The following ERCC6L2 variants were observed in gnomAD, a reference collection of about 807,000 sequenced individuals.
ERCC6L2 encodes the protein DNA excision repair protein ERCC-6-like 2.
ERCC6L2 carries 77 observed loss-of-function variants against 132.0 expected under a neutral mutation model. The observed-to-expected ratio is 0.58, with a 90% confidence interval of 0.49 to 0.71. The LOEUF (loss-of-function observed/expected upper bound fraction) is 0.71, where lower values mean the gene tolerates loss of function less well. Among genes scored for constraint, ERCC6L2 ranks in the 30% least tolerant of loss-of-function variants. The pLI, the probability that ERCC6L2 is intolerant of heterozygous loss-of-function variation, is 0.00. For missense variants in ERCC6L2, 1,542 were observed against 1,837.6 expected, an observed-to-expected ratio of 0.84 and a Z score of 2.94; for synonymous variants, 583 against 632.4, an observed-to-expected ratio of 0.92 and a Z score of 1.17.
At chr9:95,904,556 G>A (rs909667808) in intron 3 of ERCC6L2, among the ~76,000 whole-genome samples, 3 of 152,144 alleles carry the variant, frequency 2.0e-5, no homozygotes, top group Non-Finnish European at 4.4e-5. Flanking sequence ...ATGACCTTGA[G>A]TGTGTTGCTT....
At chr9:95,932,195 AG>A (rs1463089180) in intron 11 of ERCC6L2, among the ~76,000 whole-genome samples, 1 of 151,862 alleles carries the variant, frequency 6.6e-6, no homozygotes, top group Non-Finnish European at 1.5e-5. Flanking sequence ...CCTCCCGAGC[AG>A]CTGGGACTAC....
intron 12 of ERCC6L2, among the ~76,000 whole-genome samples, chr9:95,945,364 T>C (rs937033014): frequency 1.3e-5 from 2 of 152,344 alleles, no homozygotes; most frequent in South Asian, 4.1e-4. Context: ...CCTGTTCTTT[T>C]TTCAAGGTGC....
downstream of ERCC6L2, among the ~76,000 whole-genome samples, chr9:96,018,607 T>A (rs2133244002): frequency 6.7e-6 from 1 of 149,768 alleles, no homozygotes; most frequent in East Asian, 2.0e-4. Flanking sequence ...ACCACAGATG[T>A]GCACCACCCT....
At chr9:95,881,817 C>A (rs942462132) in intron 2 of ERCC6L2, among the ~76,000 whole-genome samples, 5 of 152,174 alleles carry the variant, frequency 3.3e-5, no homozygotes, top group South Asian at 2.1e-4. Context: ...TACATACTTT[C>A]CTAAAGAGGG....
In ERCC6L2 at chr9:96,015,610, G is replaced by A. The variant is rs1303815216; in HGVS notation, c.*2407G>A. Among the ~76,000 whole-genome samples the A allele has an allele frequency of 4.6e-5, 7 of 150,634 alleles. No individual in the cohort carries two copies. The highest frequency in any genetic ancestry group is 6.6e-5 in the Admixed American group (1 of 15,136). ...TGAGATCGAGACTATCCTGGCTAACGCGGTGAAACCCCGTCTCTACTAAAA... is the reference window on the plus strand; with the variant it reads ...TGAGATCGAGACTATCCTGGCTAACACGGTGAAACCCCGTCTCTACTAAAA... On this transcript the variant is annotated 3_prime_UTR_variant, in exon 19 of 19. Transcript: ENST00000653738.
In ERCC6L2 at chr9:96,012,900, A is replaced by G. The variant is rs1834081844; in HGVS notation, c.4350A>G (p.Lys1450=). Residue 1450 remains lysine, a synonymous_variant, in exon 19 of 19, where the codon AAA becomes AAG. Coordinates refer to ENST00000653738, the MANE Select transcript of ERCC6L2 (RefSeq NM_020207.7). ...CCTCTATTCTTGATGACCTTTTTAAAAGTCATGGGAACAGTCCCACACAAC... is the reference window on the plus strand; with the variant it reads ...CCTCTATTCTTGATGACCTTTTTAAGAGTCATGGGAACAGTCCCACACAAC... The part of the protein sequence containing the change: ...GDTSILDDLF[K]SHGNSPTQLP... 7.3e-7 allele frequency: 1 copy of G among 1,367,496 alleles called. No homozygotes were observed. 84.7% of individuals were successfully genotyped at this position (1,367,496 alleles called of 1,614,324 possible).
At chr9:95,945,966 A>G (rs985603672) in intron 12 of ERCC6L2, among the ~76,000 whole-genome samples, 3 of 152,184 alleles carry the variant, frequency 2.0e-5, no homozygotes, top group African/African-American at 7.2e-5. Flanking sequence ...ATTATGAAAC[A>G]TATATGTAAA....
intron 10 of ERCC6L2, 128 bp from the exon 11 acceptor site, chr9:95,928,591 G>A (rs1442344585): frequency 2.5e-6 from 2 of 811,576 alleles, no homozygotes; most frequent in Non-Finnish European, 3.6e-6. Flanking sequence ...AATATTTATT[G>A]TTCTTGGAAT....
chr9:95,998,689 A>G (rs2133182639), intron 17 of ERCC6L2, among the ~76,000 whole-genome samples: 1 of 152,332 alleles, frequency 6.6e-6, no homozygotes, highest in East Asian at 1.9e-4. Flanking sequence ...AGAGCCTTCA[A>G]AAAGGAATGC....
chr9:96,036,331 A>G (rs2133272084), intron 19 of ERCC6L2, among the ~76,000 whole-genome samples: 1 of 152,296 alleles, frequency 6.6e-6, no homozygotes, highest in South Asian at 2.1e-4. Context: ...CACTTAGCAT[A>G]ATGTCCTCAA....
rs1827569857 is a variant in ERCC6L2 at position 95,881,160 on chromosome 9, ACT to A, written c.341_342del (p.Ser114TyrfsTer7). 4 of 1,613,550 alleles carry A rather than the reference ACT, an allele frequency of 2.5e-6. No homozygotes were observed. Among genetic ancestry groups the A allele is most frequent in the African/African-American group, 1.3e-5 (1 of 74,834 alleles). On this transcript the variant is annotated frameshift_variant, in exon 2 of 19. Transcript: ENST00000653738. LOFTEE classifies it high-confidence loss of function. ...GCTTTTAAATTATCTGACAATGGAGACTCTATTCCTTATACCATCAATAGGTA... is the reference window on the plus strand; with the variant it reads ...GCTTTTAAATTATCTGACAATGGAGACTATTCCTTATACCATCAATAGGTA...
chr9:95,970,728 T>A, intron 15 of ERCC6L2, 72 bp downstream of exon 15: 2 of 1,066,202 alleles, frequency 1.9e-6, no homozygotes, highest in Non-Finnish European at 2.4e-6. Flanking sequence ...TTTCTTTTCC[T>A]TTTTCCTTAA....
intron 13 of ERCC6L2, among the ~76,000 whole-genome samples, chr9:95,963,184 TTTTA>T: frequency 6.6e-6 from 1 of 151,676 alleles, no homozygotes; most frequent in Non-Finnish European, 1.5e-5. Context: ...TGTGTGTAAA[TTTTA>T]TTTGTAAGTG....
chr9:95,952,957 G>A (rs1831410956), intron 12 of ERCC6L2, among the ~76,000 whole-genome samples: 1 of 152,150 alleles, frequency 6.6e-6, no homozygotes, highest in African/African-American at 2.4e-5. Context: ...CAGCTACGAA[G>A]AATGGATACC....
intron 13 of ERCC6L2, among the ~76,000 whole-genome samples, chr9:95,958,672 AG>A (rs1363952930): frequency 6.6e-6 from 1 of 152,114 alleles, no homozygotes; most frequent in Admixed American, 6.6e-5. Flanking sequence ...AAGCAACTTC[AG>A]CAAAGTCTCA....
In ERCC6L2 at chr9:95,881,309, A is replaced by AT. The variant is rs752081811; in HGVS notation, c.471+17dup. On this transcript the variant is annotated intron_variant, in intron 2 of 18. Coordinates refer to ENST00000653738, the MANE Select transcript of ERCC6L2 (RefSeq NM_020207.7). ...AACAGTACAGGTATTTAATTATGTT[A>AT]TAACAGTAAAGTCACTTTACTGTGT... 1.3e-6 allele frequency: 2 copies of AT among 1,529,802 alleles called. No homozygotes were observed. Among genetic ancestry groups the AT allele is most frequent in the Non-Finnish European group, 1.7e-6 (2 of 1,143,220 alleles). 94.8% of individuals were successfully genotyped at this position (1,529,802 alleles called of 1,614,324 possible).
chr9:95,952,199 T>C (rs1831369360), intron 12 of ERCC6L2, among the ~76,000 whole-genome samples: 1 of 81,756 alleles, frequency 1.2e-5, no homozygotes, highest in Admixed American at 1.3e-4. Context: ...TTTGCACCAA[T>C]CCTTCTCAAA....
chr9:95,990,523 T>C (rs1833258765), intron 17 of ERCC6L2, among the ~76,000 whole-genome samples: 1 of 152,166 alleles, frequency 6.6e-6, no homozygotes, highest in East Asian at 1.9e-4. Context: ...TGGCCCTTAA[T>C]TGTAGTAGTG....
rs571457851 is a variant in ERCC6L2, at chr9:95,976,483, C to G, written c.3338-1578C>G. 2.0e-4 allele frequency among the ~76,000 whole-genome samples: 30 copies of G among 152,244 alleles called. No homozygotes were observed. The South Asian group carries it at 6.2e-3, about 32-fold the overall frequency. ...TCTCCAGCTGGCCCCTTGTGCTTTC[C>G]GGTGAATACCTGTTGGCAGTTCTGG... On this transcript the variant is annotated intron_variant, in intron 16 of 18. Transcript: ENST00000653738.
Sources: gnomAD v4.1 joint callset for allele counts (sites outside exome capture counted in the v4.1 genomes callset) on GRCh38, gnomAD v4.1.1 for gene constraint, MANE v1.5 for transcripts, NCBI Gene and HGNC (gene_info 2026-07-23, HGNC 2026-07-21) for gene names.